Variants in CENPI observed in about 807,000 individuals in gnomAD.
The protein encoded by CENPI is centromere protein I, also known as FSH primary response 1.
In CENPI, 4 loss-of-function variants were observed where a neutral mutation model predicts 60.4. The ratio of observed to expected loss-of-function variants is 0.07; its 90% CI spans 0.03 to 0.15. The LOEUF is 0.15. Ranked by LOEUF, CENPI falls within the 10% of genes least tolerant of loss-of-function variation. The pLI is 1.00. For missense variants in CENPI, 444 were observed against 534.5 expected, an observed-to-expected ratio of 0.83 and a Z score of 1.67; for synonymous variants, 157 against 189.4, an observed-to-expected ratio of 0.83 and a Z score of 1.40.
intron 12 of CENPI, 87 bp downstream of exon 12, chrX:101,128,923 A>C: frequency 4.0e-6 from 3 of 746,507 alleles, no homozygotes; most frequent in Non-Finnish European, 6.0e-6. Flanking sequence ...AGGAGCCTTC[A>C]TATGCTGTAA....
At chrX:101,113,502 G>A (rs139605661) in intron 6 of CENPI, among the ~76,000 whole-genome samples, 2,451 of 110,822 alleles carry the variant, frequency 0.022, 39 homozygotes, top group Non-Finnish European at 0.034. Context: ...ATTTTTAGTA[G>A]AGACAGGGTT....
intron 15 of CENPI, among the ~76,000 whole-genome samples, chrX:101,136,108 G>A (rs1444170755): frequency 8.9e-6 from 1 of 112,354 alleles, no homozygotes. Flanking sequence ...CAAAGAAGGG[G>A]CTTATATTCT....
Position 101,132,461 on chromosome X carries a change from CA to C in CENPI, c.1470+10del. 2 of 1,195,924 alleles carry C rather than the reference CA, an allele frequency of 1.7e-6. No individual in the cohort carries two copies. The highest frequency in any genetic ancestry group is 1.7e-5 in the African/African-American group (1 of 57,463). On this transcript the variant is annotated splice_donor_region_variant and intron_variant, in intron 15 of 21. Transcript: ENST00000682095. ...ACATCAACCATTTATTTCAAGGTAA[CA>C]AAAACTTGTCTTGCTTAGATTCAAT...
intron 4 of CENPI, among the ~76,000 whole-genome samples, chrX:101,105,027 A>G (rs1457503975): frequency 8.9e-6 from 1 of 111,866 alleles, no homozygotes; most frequent in Non-Finnish European, 1.9e-5. Context: ...AATTCAACAT[A>G]TGACTGTCAA....
chrX:101,121,372 C>T (rs1169435157), intron 8 of CENPI, among the ~76,000 whole-genome samples: 1 of 110,703 alleles, frequency 9.0e-6, no homozygotes. Context: ...CTCACTGCAA[C>T]CTCCGCCTCC....
intron 6 of CENPI, among the ~76,000 whole-genome samples, chrX:101,114,460 A>G (rs2089594165): frequency 9.0e-6 from 1 of 110,710 alleles, no homozygotes; most frequent in Non-Finnish European, 1.9e-5. Flanking sequence ...CTTTGCTATC[A>G]CTCCCATCTC....
chrX:101,102,485 T>TTATA (rs374865533), intron 4 of CENPI, 74 bp downstream of exon 4: 7 of 358,643 alleles, frequency 2.0e-5, no homozygotes, highest in African/African-American at 3.2e-5. Context: ...AAAATAAATC[T>TTATA]TATATATATA....
At chrX:101,147,394 C>T (rs764032175) in intron 18 of CENPI, among the ~76,000 whole-genome samples, 1 of 109,684 alleles carries the variant, frequency 9.1e-6, no homozygotes, top group South Asian at 4.1e-4. Flanking sequence ...TGACCCCCGA[C>T]CCCCGACAGG....
chrX:101,120,700 T>A, intron 7 of CENPI, 38 bp from the exon 8 acceptor site: 1 of 1,155,557 alleles, frequency 8.7e-7, no homozygotes, highest in Non-Finnish European at 1.2e-6. Context: ...TTATTCTGAA[T>A]CCAAATGCAT....
chrX:101,148,207 G>A, intron 20 of CENPI, 46 bp downstream of exon 20: 2 of 1,016,517 alleles, frequency 2.0e-6, no homozygotes, highest in Non-Finnish European at 2.7e-6. Context: ...TTAATACTGT[G>A]GTGGCAGAAA....
At chrX:101,099,756 T>C (rs1352216612) in intron 2 of CENPI, 1 of 107,278 alleles carries the variant, frequency 9.3e-6, no homozygotes, top group Non-Finnish European at 1.9e-5. Flanking sequence ...CATCACTGTG[T>C]ATTATATTCA....
chrX:101,120,535 T>C, intron 7 of CENPI, 85 bp downstream of exon 7: 1 of 609,492 alleles, frequency 1.6e-6, no homozygotes, highest in Non-Finnish European at 2.6e-6. Context: ...ACTATTAGCA[T>C]TAGTTATATG....
intron 15 of CENPI, among the ~76,000 whole-genome samples, chrX:101,137,376 C>T (rs1259410907): frequency 4.5e-5 from 5 of 111,429 alleles, no homozygotes; most frequent in Admixed American, 3.9e-4. Flanking sequence ...ATGGGATGTT[C>T]ACTGCAAGTT....
intron 20 of CENPI, 22 bp downstream of exon 20, chrX:101,148,183 T>G: frequency 8.8e-7 from 1 of 1,130,036 alleles, no homozygotes; most frequent in South Asian, 1.9e-5. Context: ...TAAAGAATTT[T>G]TAGATTTTGT....
chrX:101,104,221 G>A (rs926029719), intron 4 of CENPI, among the ~76,000 whole-genome samples: 6 of 112,281 alleles, frequency 5.3e-5, no homozygotes, highest in Non-Finnish European at 1.1e-4. Flanking sequence ...TGATCCACCC[G>A]CCTTGGCCTC....
intron 15 of CENPI, among the ~76,000 whole-genome samples, chrX:101,138,272 G>A (rs1442905460): frequency 9.2e-6 from 1 of 108,745 alleles, no homozygotes; most frequent in Admixed American, 9.8e-5. Flanking sequence ...ACAAGTGTGG[G>A]TCACTGCAAC....
the CENPI span, among the ~76,000 whole-genome samples, chrX:101,171,415 CTAAATA>C: frequency 8.9e-6 from 1 of 112,203 alleles, no homozygotes; most frequent in African/African-American, 3.2e-5. Context: ...ATTTAAAAAA[CTAAATA>C]TAAAGCCCCA....
In CENPI at chrX:101,147,829, C is replaced by T. The variant is rs1027961695; in HGVS notation, c.1875+18C>T. Reference sequence around the variant, plus strand: ...TACAAAAGGTATGAATGAGAAAGCTCTGTGTTAAATCACTGTTGTTTAAAA... The same window carrying T: ...TACAAAAGGTATGAATGAGAAAGCTTTGTGTTAAATCACTGTTGTTTAAAA... On this transcript the variant is annotated intron_variant, in intron 19 of 21. Coordinates refer to ENST00000682095, the MANE Select transcript of CENPI (RefSeq NM_001386188.2). 4.2e-6 allele frequency: 5 copies of T among 1,196,393 alleles called. No homozygotes were observed. The African/African-American group carries it at 8.8e-5, about 21-fold the overall frequency.
chrX:101,124,575 A>T (rs745659018), intron 8 of CENPI, among the ~76,000 whole-genome samples: 2 of 111,379 alleles, frequency 1.8e-5, no homozygotes, highest in South Asian at 7.6e-4. Context: ...CTCCACCCAA[A>T]TCTCATCTTG....
Sources: gnomAD v4.1 joint callset for allele counts (sites outside exome capture counted in the v4.1 genomes callset) on GRCh38, gnomAD v4.1.1 for gene constraint, MANE v1.5 for transcripts, NCBI Gene and HGNC (gene_info 2026-07-23, HGNC 2026-07-21) for gene names.